Variants in ROBO1 observed in about 807,000 individuals in gnomAD.
ROBO1 encodes the protein roundabout guidance receptor 1.
In ROBO1, 149 loss-of-function variants were observed where a neutral mutation model predicts 195.9. That is an observed-to-expected ratio of 0.76 (90% CI 0.67 to 0.87). ROBO1 has a LOEUF of 0.87. ROBO1 is among the 40% of genes least tolerant of loss of function. The pLI is 0.00. For synonymous variants in ROBO1, 816 were observed against 733.2 expected, an observed-to-expected ratio of 1.11 and a Z score of -1.82; for missense variants, 1,933 against 2,068.3, an observed-to-expected ratio of 0.93 and a Z score of 1.27.
At chr3:78,679,834 T>C (rs1252610192) in intron 10 of ROBO1, among the ~76,000 whole-genome samples, 1 of 152,012 alleles carries the variant, frequency 6.6e-6, no homozygotes, top group Non-Finnish European at 1.5e-5. Context: ...AAAACTACTT[T>C]AAAGTTCATA....
chr3:79,245,612 C>A (rs1020019624), intron 2 of ROBO1, among the ~76,000 whole-genome samples: 3 of 151,840 alleles, frequency 2.0e-5, no homozygotes, highest in Non-Finnish European at 4.4e-5. Context: ...AATCATGACT[C>A]CAGCAAAGAC....
At chr3:79,746,105 G>A (rs551160761) in intron 1 of ROBO1, among the ~76,000 whole-genome samples, 122 of 152,058 alleles carry the variant, frequency 8.0e-4, no homozygotes, top group African/African-American at 2.9e-3. Flanking sequence ...ATCATAAGTG[G>A]GATATTCACT....
At chr3:79,341,506 A>G (rs2034904767) in intron 2 of ROBO1, among the ~76,000 whole-genome samples, 1 of 149,650 alleles carries the variant, frequency 6.7e-6, no homozygotes, top group Non-Finnish European at 1.5e-5. Flanking sequence ...TTTTTTTTTA[A>G]TTAAAATAAT....
chr3:79,139,833 G>A (rs1202024113), intron 2 of ROBO1, among the ~76,000 whole-genome samples: 1 of 152,082 alleles, frequency 6.6e-6, no homozygotes, highest in Non-Finnish European at 1.5e-5. Context: ...ATCTGCTACT[G>A]TTCCACTCCC....
intron 1 of ROBO1, among the ~76,000 whole-genome samples, chr3:79,732,796 C>A (rs2107364736): frequency 6.6e-6 from 1 of 152,260 alleles, no homozygotes; most frequent in South Asian, 2.1e-4. Context: ...AGATGATGTT[C>A]CTAATGACCT....
intron 2 of ROBO1, among the ~76,000 whole-genome samples, chr3:79,582,527 T>G (rs1321890944): frequency 2.0e-5 from 3 of 151,992 alleles, no homozygotes; most frequent in African/African-American, 7.2e-5. Flanking sequence ...CTCCTCCAAA[T>G]TTACAAGAGA....
chr3:79,458,254 A>C (rs1463843499), intron 2 of ROBO1, among the ~76,000 whole-genome samples: 1 of 152,184 alleles, frequency 6.6e-6, no homozygotes, highest in Non-Finnish European at 1.5e-5. Flanking sequence ...GGAAATGTTA[A>C]CGGGCAGAGA....
At chr3:78,676,301 C>T (rs2107757461) in intron 10 of ROBO1, among the ~76,000 whole-genome samples, 1 of 152,288 alleles carries the variant, frequency 6.6e-6, no homozygotes, top group East Asian at 1.9e-4. Context: ...AGTTCCTCAC[C>T]AGCAACGGAA....
chr3:78,831,342 T>C (rs565961333), intron 4 of ROBO1, among the ~76,000 whole-genome samples: 1 of 152,270 alleles, frequency 6.6e-6, no homozygotes, highest in East Asian at 1.9e-4. Flanking sequence ...AAAATGAAAT[T>C]ACAAGTTCTT....
intron 2 of ROBO1, among the ~76,000 whole-genome samples, chr3:79,341,094 A>G (rs1157120795): frequency 6.6e-6 from 1 of 152,214 alleles, no homozygotes; most frequent in Non-Finnish European, 1.5e-5. Flanking sequence ...AAGTCCAAGT[A>G]TTGACGAGGT....
chr3:79,605,737 T>C (rs535588206), intron 1 of ROBO1, among the ~76,000 whole-genome samples: 21 of 152,098 alleles, frequency 1.4e-4, no homozygotes, highest in African/African-American at 4.8e-4. Context: ...ATTGCATCTC[T>C]AAATTATCAA....
chr3:79,685,317 G>C (rs1947069789), intron 1 of ROBO1, among the ~76,000 whole-genome samples: 1 of 152,120 alleles, frequency 6.6e-6, no homozygotes. Flanking sequence ...TAACTCTCAG[G>C]TCTTTTGTAG....
At chr3:79,224,626 C>T (rs1019843976) in intron 2 of ROBO1, among the ~76,000 whole-genome samples, 1 of 152,156 alleles carries the variant, frequency 6.6e-6, no homozygotes, top group African/African-American at 2.4e-5. Flanking sequence ...TGGAGGGTCC[C>T]GCATTTATTC....
Position 78,668,117 on chromosome 3 carries a change from C to A in ROBO1, c.1799+17G>T, listed in dbSNP as rs370278269. ...GAATCAAAAAAGAACAACTAGGAAG[C>A]ATCTCCTTCACTCTACCTGAAGGCT... is the stretch of plus-strand genomic sequence containing the variant. On this transcript the variant is annotated intron_variant, in intron 13 of 30. Coordinates refer to ENST00000464233, the MANE Select transcript of ROBO1 (RefSeq NM_002941.4). 7 of 1,611,742 alleles carry A rather than the reference C, an allele frequency of 4.3e-6. No homozygotes were observed. The highest frequency in any genetic ancestry group is 1.7e-5 in the Admixed American group (1 of 59,712).
intron 2 of ROBO1, among the ~76,000 whole-genome samples, chr3:79,437,595 T>C (rs954146053): frequency 2.0e-5 from 3 of 152,058 alleles, no homozygotes; most frequent in African/African-American, 7.2e-5. Context: ...TGAAATATTA[T>C]ACAAAACAAT....
rs190404607 is a variant in ROBO1 at position 79,061,515 on chromosome 3, T to A, written c.172+63941A>T. Among the ~76,000 whole-genome samples the A allele has an allele frequency of 3.2e-4, 49 of 152,232 alleles. No individual in the cohort carries two copies. The East Asian group carries it at 8.5e-3, about 26-fold the overall frequency. Reference sequence around the variant, plus strand: ...GGAAAAAACTACTTTAAAGTTCATATGGAATCAAGAAAGAGCCCATATAGC... The same window carrying A: ...GGAAAAAACTACTTTAAAGTTCATAAGGAATCAAGAAAGAGCCCATATAGC... On this transcript the variant is annotated intron_variant, in intron 3 of 30. Coordinates refer to ENST00000464233, the MANE Select transcript of ROBO1 (RefSeq NM_002941.4).
chr3:78,838,600 C>A (rs982334736), intron 4 of ROBO1, among the ~76,000 whole-genome samples: 1 of 152,070 alleles, frequency 6.6e-6, no homozygotes, highest in East Asian at 1.9e-4. Flanking sequence ...AGATTGGGGA[C>A]GTGCCAGGTT....
At chr3:79,529,705 T>A (rs1474207196) in intron 2 of ROBO1, among the ~76,000 whole-genome samples, 5 of 152,176 alleles carry the variant, frequency 3.3e-5, no homozygotes, top group African/African-American at 1.2e-4. Context: ...AGTATTTATT[T>A]CTGGAATTTT....
At chr3:79,600,279 G>A (rs1944301098) in intron 1 of ROBO1, among the ~76,000 whole-genome samples, 1 of 151,950 alleles carries the variant, frequency 6.6e-6, no homozygotes, top group Non-Finnish European at 1.5e-5. Flanking sequence ...TCTAATAAGT[G>A]TTGCCTCTGA....
Sources: gnomAD v4.1 joint callset for allele counts (sites outside exome capture counted in the v4.1 genomes callset) on GRCh38, gnomAD v4.1.1 for gene constraint, MANE v1.5 for transcripts, NCBI Gene and HGNC (gene_info 2026-07-23, HGNC 2026-07-21) for gene names.